The following FRAS1 variants were observed in gnomAD, a reference collection of about 807,000 sequenced individuals.
FRAS1 encodes Fraser extracellular matrix complex subunit 1.
A neutral mutation model predicts 435.2 loss-of-function variants in FRAS1; 290 were observed. The observed-to-expected ratio is 0.67, with a 90% CI of 0.61 to 0.73. The LOEUF (loss-of-function observed/expected upper bound fraction) is 0.73, where lower values mean the gene tolerates loss of function less well. Among genes scored for constraint, FRAS1 ranks in the 30% least tolerant of loss-of-function variants. The probability of loss-of-function intolerance (pLI) is 0.00; values close to 1 mark genes in which losing one functional copy is unlikely to be tolerated. For missense variants in FRAS1, 4,860 were observed against 5,001.5 expected, an observed-to-expected ratio of 0.97 and a Z score of 0.85; for synonymous variants, 1,800 against 1,851.0, an observed-to-expected ratio of 0.97 and a Z score of 0.71.
At chr4:78,328,074 T>C (rs998480251) in intron 18 of FRAS1, among the ~76,000 whole-genome samples, 1 of 152,214 alleles carries the variant, frequency 6.6e-6, no homozygotes, top group African/African-American at 2.4e-5. Context: ...TTCATTGAGC[T>C]TATTTCTAAA....
chr4:78,512,816 T>C (rs1271121875), intron 64 of FRAS1, among the ~76,000 whole-genome samples: 2 of 152,192 alleles, frequency 1.3e-5, no homozygotes, highest in Non-Finnish European at 2.9e-5. Context: ...GTAGTGCTGA[T>C]AGGACTTACA....
rs558615931 is a variant in FRAS1, at chr4:78,087,042, C to T, written c.108+21026C>T. The stretch of plus-strand genomic sequence containing the variant: ...AATCCTCAATAAAATACTGGCAAAC[C>T]GAATCCAGCAGCACATCAAAAAGCC... On this transcript the variant is annotated intron_variant, in intron 2 of 73. Transcript: ENST00000512123. 1.3e-3 allele frequency among the ~76,000 whole-genome samples: 204 copies of T among 152,224 alleles called. 5 individuals carry two copies. The South Asian group carries it at 0.034, about 25-fold the overall frequency.
At chr4:78,374,001 C>T (rs1560688773) in intron 24 of FRAS1, 110 bp from the exon 25 acceptor site, 3 of 1,020,316 alleles carry the variant, frequency 2.9e-6, no homozygotes, top group South Asian at 2.6e-5. Flanking sequence ...GTCCTTTGCC[C>T]AGTACACTAG....
At chr4:78,134,888 T>C (rs1224530859) in intron 2 of FRAS1, among the ~76,000 whole-genome samples, 9 of 152,224 alleles carry the variant, frequency 5.9e-5, no homozygotes, top group Admixed American at 5.2e-4. Flanking sequence ...CCTTAAGTGA[T>C]GTGGGTGAGA....
chr4:78,394,035 G>GT (rs1014209556), intron 29 of FRAS1, among the ~76,000 whole-genome samples: 24 of 151,702 alleles, frequency 1.6e-4, no homozygotes, highest in African/African-American at 4.8e-4. Context: ...ACCTATTTAG[G>GT]TTTTTTCCCC....
At chr4:78,521,763 A>C (rs373081123) in intron 68 of FRAS1, 133 bp downstream of exon 68, 79 of 576,836 alleles carry the variant, frequency 1.4e-4, no homozygotes, top group East Asian at 5.6e-4. Context: ...ATGTGCACAT[A>C]CATCCATCCA....
chr4:78,335,490 G>C (rs767858946), intron 19 of FRAS1, among the ~76,000 whole-genome samples: 25 of 152,152 alleles, frequency 1.6e-4, no homozygotes, highest in Non-Finnish European at 3.2e-4. Context: ...TGTCACTTCT[G>C]CTATATTCTG....
chr4:78,301,929 G>A (rs1054314627), intron 14 of FRAS1, among the ~76,000 whole-genome samples: 24 of 134,470 alleles, frequency 1.8e-4, no homozygotes, highest in African/African-American at 6.4e-4. Context: ...ACGTATACAT[G>A]TGCAATGCTG....
rs768124707 is a variant in FRAS1 at position 78,290,234 on chromosome 4, C to T, written c.1534+3695C>T. ...GTAATCTTTGAAAAGAGAAAGAGTA[C>T]GATTTAGCCCATTTTTATACGTGTA... On this transcript the variant is annotated intron_variant, in intron 14 of 73. Transcript: ENST00000512123. Among the ~76,000 whole-genome samples the T allele has an allele frequency of 4.5e-4, 69 of 152,098 alleles. 1 individual carries two copies. Among genetic ancestry groups the T allele is most frequent in the Non-Finnish European group, 3.7e-4 (25 of 68,008 alleles).
At chr4:78,268,065 T>C (rs1050948296) in intron 9 of FRAS1, among the ~76,000 whole-genome samples, 5 of 152,182 alleles carry the variant, frequency 3.3e-5, no homozygotes, top group African/African-American at 9.7e-5. Flanking sequence ...ACTTTTTTTT[T>C]CCTCTTTGAA....
At chr4:78,319,545 C>A in intron 18 of FRAS1, 1 of 368,398 alleles carries the variant, frequency 2.7e-6, no homozygotes, top group South Asian at 2.1e-5. Flanking sequence ...AGTAGCCTTG[C>A]TGTTGGGTGA....
intron 2 of FRAS1, among the ~76,000 whole-genome samples, chr4:78,114,971 A>T (rs866520563): frequency 6.7e-6 from 1 of 149,820 alleles, no homozygotes; most frequent in Non-Finnish European, 1.5e-5. Flanking sequence ...TGGGTTTGTC[A>T]TAGATGGCTC....
chr4:78,206,603 T>G, intron 2 of FRAS1, among the ~76,000 whole-genome samples: 1 of 152,334 alleles, frequency 6.6e-6, no homozygotes, highest in African/African-American at 2.4e-5. Flanking sequence ...TCACGTAATA[T>G]TTGTGGGAAT....
chr4:78,306,502 A>G (rs868848439), intron 14 of FRAS1, among the ~76,000 whole-genome samples: 1 of 73,820 alleles, frequency 1.4e-5, no homozygotes, highest in South Asian at 3.2e-4. Flanking sequence ...AGGTACACCA[A>G]TCAGACGTAG....
chr4:78,164,785 A>T (rs1721271476), intron 2 of FRAS1, among the ~76,000 whole-genome samples: 1 of 152,180 alleles, frequency 6.6e-6, no homozygotes, highest in African/African-American at 2.4e-5. Context: ...TCCTTTAAAA[A>T]GTAACATCTT....
chr4:78,196,241 T>C (rs1335858370), intron 2 of FRAS1, among the ~76,000 whole-genome samples: 1 of 152,196 alleles, frequency 6.6e-6, no homozygotes, highest in African/African-American at 2.4e-5. Flanking sequence ...TCTCCTGACC[T>C]TGTGATCCGC....
In FRAS1 at chr4:78,308,169, C is replaced by T. The variant is rs1728870010; in HGVS notation, c.1638C>T (p.Ser546=). 1.2e-6 allele frequency: 2 copies of T among 1,613,944 alleles called. No individual in the cohort carries two copies. The highest frequency in any genetic ancestry group is 1.7e-6 in the Non-Finnish European group (2 of 1,179,868). The change falls in exon 15 of 74, where the codon AGC becomes AGT. Residue 546 remains serine, a synonymous_variant. Coordinates refer to ENST00000512123, the MANE Select transcript of FRAS1 (RefSeq NM_025074.7). ...HVLRDGGCES[S]CGKGFYNRQG... ...TGAGAGATGGCGGCTGTGAGAGCAGCTGTGGAAAAGGCTTCTACAACAGGC... is the reference window on the plus strand; with the variant it reads ...TGAGAGATGGCGGCTGTGAGAGCAGTTGTGGAAAAGGCTTCTACAACAGGC...
At chr4:78,453,541 G>A (rs1439485847) in intron 47 of FRAS1, among the ~76,000 whole-genome samples, 2 of 152,202 alleles carry the variant, frequency 1.3e-5, no homozygotes, top group East Asian at 3.8e-4. Flanking sequence ...GCTCACACCT[G>A]TAATCTCAGC....
chr4:78,271,970 G>A (rs1168977809), intron 9 of FRAS1, among the ~76,000 whole-genome samples: 1 of 152,154 alleles, frequency 6.6e-6, no homozygotes, highest in African/African-American at 2.4e-5. Flanking sequence ...ATCCTCTCCA[G>A]CACCTGTTCT....
Sources: gnomAD v4.1 joint callset for allele counts (sites outside exome capture counted in the v4.1 genomes callset) on GRCh38, gnomAD v4.1.1 for gene constraint, MANE v1.5 for transcripts, NCBI Gene and HGNC (gene_info 2026-07-23, HGNC 2026-07-21) for gene names.